The following PLCH1 variants were observed in gnomAD, a reference collection of about 807,000 sequenced individuals.
The protein encoded by PLCH1 is phospholipase C eta 1.
In PLCH1, 60 loss-of-function variants were observed where a neutral mutation model predicts 126.7. That is an observed-to-expected ratio of 0.47 (90% CI 0.38 to 0.59). The LOEUF (loss-of-function observed/expected upper bound fraction) is 0.59, where lower values mean the gene tolerates loss of function less well. Among genes scored for constraint, PLCH1 ranks in the 20% least tolerant of loss-of-function variants. The pLI, the probability that PLCH1 is intolerant of heterozygous loss-of-function variation, is 0.00. For missense variants in PLCH1, 1,723 were observed against 2,040.0 expected, an observed-to-expected ratio of 0.84 and a Z score of 2.99; for synonymous variants, 719 against 734.9, an observed-to-expected ratio of 0.98 and a Z score of 0.35.
At position 155,566,302 on chromosome 3, in the gene PLCH1, CATATATAT is replaced by C. The variant is rs1198979173; in HGVS notation, c.866-1192_866-1185del. ...ATACATATATATACGTATATATACA[CATATATAT>C]ACATATATACATATATATACGTATA... On this transcript the variant is annotated intron_variant, in intron 7 of 22. Transcript: ENST00000460012. 3.0e-4 allele frequency among the ~76,000 whole-genome samples: 6 copies of C among 19,906 alleles called. No homozygotes were observed. The East Asian group carries it at 3.6e-3, about 12-fold the overall frequency. 13.1% of individuals were successfully genotyped at this position (19,906 alleles called of 152,430 possible).
At chr3:155,708,055 A>C (rs1045627896) in intron 1 of PLCH1, among the ~76,000 whole-genome samples, 11 of 152,124 alleles carry the variant, frequency 7.2e-5, no homozygotes, top group Non-Finnish European at 1.6e-4. Context: ...AGAACCTACT[A>C]TGCATTAGGA....
chr3:155,727,544 C>T (rs902062843), intron 1 of PLCH1, among the ~76,000 whole-genome samples: 1 of 152,044 alleles, frequency 6.6e-6, no homozygotes, highest in Non-Finnish European at 1.5e-5. Flanking sequence ...TGTGCCACCA[C>T]GCCCAGCTAA....
intron 2 of PLCH1, among the ~76,000 whole-genome samples, chr3:155,604,940 G>A (rs960053294): frequency 7.9e-5 from 12 of 152,174 alleles, no homozygotes; most frequent in Admixed American, 3.3e-4. Flanking sequence ...TAGCGAATCT[G>A]GTGTACTTTG....
intron 2 of PLCH1, among the ~76,000 whole-genome samples, chr3:155,605,331 A>C (rs930293320): frequency 6.6e-6 from 1 of 152,210 alleles, no homozygotes; most frequent in African/African-American, 2.4e-5. Context: ...CTTGGGGATC[A>C]TGGAAATGCC....
intron 21 of PLCH1, among the ~76,000 whole-genome samples, chr3:155,486,358 A>G (rs190594047): frequency 6.6e-6 from 1 of 152,292 alleles, no homozygotes; most frequent in East Asian, 1.9e-4. Flanking sequence ...TTCATTGTTC[A>G]ACCAATATCC....
chr3:155,525,761 C>T (rs1411330920), intron 10 of PLCH1, among the ~76,000 whole-genome samples: 1 of 152,058 alleles, frequency 6.6e-6, no homozygotes, highest in Non-Finnish European at 1.5e-5. Context: ...TGACAGGGAA[C>T]ATTCTTATAA....
At chr3:155,628,112 T>C (rs551754532) in intron 2 of PLCH1, among the ~76,000 whole-genome samples, 2 of 152,052 alleles carry the variant, frequency 1.3e-5, no homozygotes, top group Non-Finnish European at 2.9e-5. Flanking sequence ...AAACTACAGA[T>C]AGAACATGAT....
At chr3:155,570,372 C>T (rs1430210193) in intron 6 of PLCH1, among the ~76,000 whole-genome samples, 1 of 152,124 alleles carries the variant, frequency 6.6e-6, no homozygotes, top group Non-Finnish European at 1.5e-5. Context: ...AGGAATTTCT[C>T]CCTACTCTAA....
chr3:155,504,956 C>T (rs1718436923), intron 12 of PLCH1, among the ~76,000 whole-genome samples: 1 of 152,220 alleles, frequency 6.6e-6, no homozygotes, highest in Non-Finnish European at 1.5e-5. Context: ...CTCTCCACAG[C>T]ACAGGATGTG....
At chr3:155,542,609 C>T (rs1227442004) in intron 10 of PLCH1, among the ~76,000 whole-genome samples, 2 of 152,166 alleles carry the variant, frequency 1.3e-5, no homozygotes, top group South Asian at 4.1e-4. Flanking sequence ...ACCCCTGACC[C>T]CCAAGCAGCC....
rs1419262903 is a variant in PLCH1, at chr3:155,545,136, G to A, written c.1362+4651C>T. 5.7e-4 allele frequency among the ~76,000 whole-genome samples: 86 copies of A among 151,982 alleles called. 1 individual carries two copies. The Middle Eastern group carries it at 0.017, about 30-fold the overall frequency. On this transcript the variant is annotated intron_variant, in intron 10 of 22. Coordinates refer to ENST00000460012, the MANE Select transcript of PLCH1 (RefSeq NM_014996.4). ...AAAAGATCAACAAAATTGATAGACC[G>A]CTAGCAAGACTAATAAAGAAGAAAA... is the stretch of plus-strand genomic sequence containing the variant.
chr3:155,470,843 G>T (rs1396994842), intron 21 of PLCH1, among the ~76,000 whole-genome samples: 1 of 151,924 alleles, frequency 6.6e-6, no homozygotes, highest in Non-Finnish European at 1.5e-5. Flanking sequence ...ATAAGTGAAG[G>T]AGAAATAAAA....
chr3:155,477,619 C>A (rs1318137923), downstream of PLCH1, among the ~76,000 whole-genome samples: 4 of 152,004 alleles, frequency 2.6e-5, no homozygotes, highest in South Asian at 4.1e-4. Context: ...AGAAGACATA[C>A]AAATGGAAAA....
Position 155,639,005 on chromosome 3 carries a change from A to G in PLCH1, c.80-42627T>C, listed in dbSNP as rs139160027. ...CAAAAAGTAAACTGGACTTTATACT[A>G]TATATAATTATATTATATTCCATGC... On this transcript the variant is annotated intron_variant, in intron 2 of 22. Coordinates refer to ENST00000460012, the MANE Select transcript of PLCH1 (RefSeq NM_014996.4). 3.9e-5 allele frequency among the ~76,000 whole-genome samples: 6 copies of G among 152,330 alleles called. No individual in the cohort carries two copies. The South Asian group carries it at 1.0e-3, about 26-fold the overall frequency.
intron 21 of PLCH1, among the ~76,000 whole-genome samples, chr3:155,458,277 G>A (rs1712511861): frequency 6.7e-6 from 1 of 149,208 alleles, no homozygotes; most frequent in South Asian, 2.1e-4. Flanking sequence ...GGGAGGCGGA[G>A]GTTGCCGTGA....
At chr3:155,524,611 G>C (rs1576907333) in intron 10 of PLCH1, among the ~76,000 whole-genome samples, 1 of 152,082 alleles carries the variant, frequency 6.6e-6, no homozygotes, top group Non-Finnish European at 1.5e-5. Flanking sequence ...CAAAATAAGG[G>C]GGAGTGGAGA....
chr3:155,473,197 A>C (rs1443706469), intron 21 of PLCH1, among the ~76,000 whole-genome samples: 28 of 151,406 alleles, frequency 1.8e-4, no homozygotes, highest in African/African-American at 6.8e-4. Context: ...CTCAGCCCAA[A>C]ATCTCCTTCA....
intron 2 of PLCH1, among the ~76,000 whole-genome samples, chr3:155,624,649 C>T (rs1479363667): frequency 2.6e-5 from 4 of 152,102 alleles, no homozygotes; most frequent in Non-Finnish European, 5.9e-5. Flanking sequence ...ACAATTGCTA[C>T]AAGGAGAATA....
chr3:155,581,719 T>G (rs114804824), intron 6 of PLCH1, among the ~76,000 whole-genome samples: 2,715 of 151,094 alleles, frequency 0.018, 28 homozygotes, highest in South Asian at 0.026. Flanking sequence ...TGAAATTAGA[T>G]AGTGGTTATA....
Sources: gnomAD v4.1 joint callset for allele counts (sites outside exome capture counted in the v4.1 genomes callset) on GRCh38, gnomAD v4.1.1 for gene constraint, MANE v1.5 for transcripts, NCBI Gene and HGNC (gene_info 2026-07-23, HGNC 2026-07-21) for gene names.